Variants in KIF6 observed in about 807,000 individuals in gnomAD.
KIF6 encodes kinesin-like protein KIF6.
In KIF6, 106 loss-of-function variants were observed where a neutral mutation model predicts 112.7. The ratio of observed to expected loss-of-function variants is 0.94; its 90% confidence interval spans 0.80 to 1.11. The LOEUF (loss-of-function observed/expected upper bound fraction) is 1.11. Ranked by LOEUF, KIF6 falls within the 50% of genes least tolerant of loss-of-function variation. The pLI, the probability that KIF6 is intolerant of heterozygous loss-of-function variation, is 0.00. For missense variants in KIF6, 929 were observed against 964.0 expected (o/e 0.96, Z 0.48); for synonymous variants, 339 against 339.9 (o/e 1.00, Z 0.03).
chr6:39,699,154 T>C (rs1788722610), intron 3 of KIF6, among the ~76,000 whole-genome samples: 1 of 152,022 alleles, frequency 6.6e-6, no homozygotes, highest in African/African-American at 2.4e-5. Context: ...GCAGAGGAGA[T>C]AGGTAATGTA....
intron 7 of KIF6, among the ~76,000 whole-genome samples, chr6:39,587,674 C>A (rs775571279): frequency 6.6e-6 from 1 of 152,102 alleles, no homozygotes; most frequent in Non-Finnish European, 1.5e-5. Context: ...GGAACCCTGA[C>A]CAGGACTATC....
intron 13 of KIF6, among the ~76,000 whole-genome samples, chr6:39,489,461 T>G (rs1348268092): frequency 6.6e-6 from 1 of 152,100 alleles, no homozygotes; most frequent in Non-Finnish European, 1.5e-5. Context: ...TATTTCTTAC[T>G]TGTGGTGAGG....
chr6:39,346,328 G>C (rs1227598254), intron 20 of KIF6, 148 bp downstream of exon 20: 1 of 700,942 alleles, frequency 1.4e-6, no homozygotes, highest in Non-Finnish European at 2.6e-6. Context: ...TGGGGCCTTT[G>C]GGTGGTGATT....
intron 3 of KIF6, among the ~76,000 whole-genome samples, chr6:39,656,511 G>A (rs1184588708): frequency 6.6e-6 from 1 of 152,070 alleles, no homozygotes; most frequent in African/African-American, 2.4e-5. Flanking sequence ...AATTTTTTCT[G>A]TATGCCACAT....
chr6:39,575,154 T>C (rs1780871717), intron 10 of KIF6, among the ~76,000 whole-genome samples: 1 of 152,208 alleles, frequency 6.6e-6, no homozygotes, highest in South Asian at 2.1e-4. Context: ...ATATTTCTAA[T>C]TCCAGCCACA....
At chr6:39,355,257 T>C (rs766874229) in intron 19 of KIF6, among the ~76,000 whole-genome samples, 1 of 152,120 alleles carries the variant, frequency 6.6e-6, no homozygotes, top group Non-Finnish European at 1.5e-5. Flanking sequence ...ATCTGTTTTA[T>C]ATATATACAC....
chr6:39,654,597 T>C (rs1561901607), intron 3 of KIF6, among the ~76,000 whole-genome samples: 1 of 152,232 alleles, frequency 6.6e-6, no homozygotes, highest in Non-Finnish European at 1.5e-5. Flanking sequence ...ATGCATGAAT[T>C]AACAAATGCT....
intron 3 of KIF6, among the ~76,000 whole-genome samples, chr6:39,667,020 G>A (rs1301213559): frequency 3.3e-5 from 5 of 152,012 alleles, no homozygotes; most frequent in Non-Finnish European, 7.4e-5. Context: ...TTTTGCACGG[G>A]AACAGTTTCA....
intron 13 of KIF6, among the ~76,000 whole-genome samples, chr6:39,527,979 A>G (rs1777828089): frequency 6.6e-6 from 1 of 152,230 alleles, no homozygotes; most frequent in African/African-American, 2.4e-5. Flanking sequence ...TGGTCAGAAT[A>G]TTTGAAATTT....
chr6:39,527,431 C>G (rs1392771866), intron 13 of KIF6, among the ~76,000 whole-genome samples: 1 of 152,040 alleles, frequency 6.6e-6, no homozygotes, highest in Non-Finnish European at 1.5e-5. Context: ...CTCCAATATA[C>G]TCCAAAGAGT....
At chr6:39,451,607 T>A (rs1772706935) in intron 13 of KIF6, among the ~76,000 whole-genome samples, 2 of 152,202 alleles carry the variant, frequency 1.3e-5, no homozygotes, top group African/African-American at 4.8e-5. Flanking sequence ...CCTGTATGTG[T>A]ACATCTATAT....
At chr6:39,440,717 A>G (rs1771864862) in intron 13 of KIF6, among the ~76,000 whole-genome samples, 1 of 152,190 alleles carries the variant, frequency 6.6e-6, no homozygotes, top group Non-Finnish European at 1.5e-5. Context: ...GATTTAGAAG[A>G]GAGACAAGGC....
chr6:39,539,199 C>T (rs1022517584), intron 13 of KIF6, among the ~76,000 whole-genome samples: 10 of 149,224 alleles, frequency 6.7e-5, no homozygotes, highest in African/African-American at 2.2e-4. Flanking sequence ...CACATGTACC[C>T]GAAAACTTAA....
At chr6:39,341,620 T>C (rs918618525) in intron 22 of KIF6, among the ~76,000 whole-genome samples, 4 of 152,224 alleles carry the variant, frequency 2.6e-5, no homozygotes, top group African/African-American at 9.6e-5. Flanking sequence ...ACCTGTCTAC[T>C]CGACACCTCC....
intron 15 of KIF6, among the ~76,000 whole-genome samples, chr6:39,410,666 A>C (rs1198266743): frequency 1.3e-5 from 2 of 152,322 alleles, no homozygotes; most frequent in East Asian, 3.9e-4. Flanking sequence ...ATTATAATGT[A>C]CCTTACTAAT....
At chr6:39,383,185 T>C (rs1767116202) in intron 16 of KIF6, among the ~76,000 whole-genome samples, 1 of 152,148 alleles carries the variant, frequency 6.6e-6, no homozygotes, top group African/African-American at 2.4e-5. Flanking sequence ...TCCATTTGTC[T>C]ATGTTTGATT....
chr6:39,445,147 A>G (rs1772225739), intron 13 of KIF6, among the ~76,000 whole-genome samples: 1 of 152,222 alleles, frequency 6.6e-6, no homozygotes, highest in Admixed American at 6.5e-5. Flanking sequence ...TGTACTCTGA[A>G]CAGTCTCCAC....
intron 9 of KIF6, among the ~76,000 whole-genome samples, chr6:39,581,281 C>T (rs1781280529): frequency 6.6e-6 from 1 of 151,168 alleles, no homozygotes; most frequent in African/African-American, 2.4e-5. Context: ...GATTTTCCTG[C>T]CTCAGCCTCC....
intron 13 of KIF6, among the ~76,000 whole-genome samples, chr6:39,437,306 T>C (rs59127443): frequency 0.02 from 3,009 of 152,306 alleles, 106 homozygotes; most frequent in African/African-American, 0.069. Context: ...GATCATATCA[T>C]TGGCAAACAG....
Sources: allele counts gnomAD v4.1 joint callset (sites outside exome capture counted in the v4.1 genomes callset), GRCh38; gene constraint gnomAD v4.1.1; transcripts MANE v1.5; gene names NCBI Gene and HGNC (gene_info 2026-07-23, HGNC 2026-07-21).